Variants in DNM2 observed in about 807,000 individuals in gnomAD.
DNM2 encodes the protein dynamin 2, also known as dynamin-2.
DNM2 carries 15 observed loss-of-function variants against 99.0 expected under a neutral mutation model. The observed-to-expected ratio is 0.15, with a 90% CI of 0.10 to 0.23. DNM2 has a LOEUF of 0.23. Ranked by LOEUF, DNM2 falls within the 10% of genes least tolerant of loss-of-function variation. The pLI is 1.00. For missense variants in DNM2, 742 were observed against 1,189.4 expected (o/e 0.62, Z 5.53); for synonymous variants, 525 against 481.2 (o/e 1.09, Z -1.19).
chr19:10,773,964 C>T (rs1165684113), intron 3 of DNM2, among the ~76,000 whole-genome samples: 5 of 152,202 alleles, frequency 3.3e-5, no homozygotes, highest in Non-Finnish European at 7.3e-5. Flanking sequence ...GGGCCATAGA[C>T]ATCCTCTGGC....
intron 19 of DNM2, among the ~76,000 whole-genome samples, chr19:10,829,495 C>T (rs952082446): frequency 9.9e-5 from 15 of 152,190 alleles, no homozygotes; most frequent in Admixed American, 2.0e-4. Flanking sequence ...ATAAATACCC[C>T]GCCTGCCCTC....
intron 1 of DNM2, among the ~76,000 whole-genome samples, chr19:10,740,833 A>G (rs761395767): frequency 1.3e-5 from 2 of 152,168 alleles, no homozygotes; most frequent in Non-Finnish European, 2.9e-5. Flanking sequence ...TTTGATACAT[A>G]GGTTATTTAG....
chr19:10,829,304 G>C (rs746790650), intron 19 of DNM2, 36 bp downstream of exon 19: 2 of 1,605,056 alleles, frequency 1.2e-6, no homozygotes, highest in African/African-American at 1.3e-5. Context: ...TCAAGCATTC[G>C]GCCTGCAGGT....
intron 1 of DNM2, among the ~76,000 whole-genome samples, chr19:10,721,897 C>T (rs915818865): frequency 2.0e-5 from 3 of 152,104 alleles, no homozygotes; most frequent in South Asian, 2.1e-4. Context: ...TTTCTTGTGG[C>T]TCTAAGACAC....
chr19:10,830,205 G>GC lies in DNM2; in HGVS notation c.2377dup (p.Leu793ProfsTer31), dbSNP rs764391392. On this transcript the variant is annotated frameshift_variant, in exon 20 of 21. Transcript: ENST00000389253. LOFTEE classifies it high-confidence loss of function. This position sits in a 1 kb window ranked among gnomAD's most constrained non-coding sequence, Gnocchi z 4.8. ...CAGCAGTGAGGGGCCCCACTCCAGG[G>GC]CCCCCCCTGATTCCTGTTCCCGTGG... The GC allele has an allele frequency of 6.2e-7, 1 of 1,613,606 alleles. No individual in the cohort carries two copies.
At position 10,765,418 on chromosome 19, in the gene DNM2, G is replaced by A. The variant is rs368764431; in HGVS notation, c.235+5607G>A. Among the ~76,000 whole-genome samples the A allele has an allele frequency of 2.1e-4, 32 of 152,286 alleles. No homozygotes were observed. The South Asian group carries it at 6.6e-3, about 32-fold the overall frequency. The stretch of plus-strand genomic sequence containing the variant: ...CTGTGCCCCTTCTTGCCTACTGGGC[G>A]GGAAGTGATGGGGGTTACTTTACCA... On this transcript the variant is annotated intron_variant, in intron 2 of 20. Transcript: ENST00000389253. This position sits in a 1 kb window ranked among gnomAD's most constrained non-coding sequence, Gnocchi z 4.4.
chr19:10,766,309 C>G (rs2070794207), intron 2 of DNM2, among the ~76,000 whole-genome samples: 1 of 152,182 alleles, frequency 6.6e-6, no homozygotes, highest in Admixed American at 6.5e-5. Context: ...TTCGGTCACT[C>G]TGGGGCTCCA....
chr19:10,751,253 A>T (rs1421773265), intron 1 of DNM2, among the ~76,000 whole-genome samples: 1 of 152,078 alleles, frequency 6.6e-6, no homozygotes, highest in Non-Finnish European at 1.5e-5. Flanking sequence ...CAGAGAGGCC[A>T]GGAAGCCCGC....
intron 5 of DNM2, among the ~76,000 whole-genome samples, chr19:10,779,426 C>T (rs991982917): frequency 1.3e-5 from 2 of 151,218 alleles, no homozygotes; most frequent in African/African-American, 4.9e-5. Flanking sequence ...ACCACCCCAC[C>T]CCACATCCAT....
At chr19:10,813,945 C>T (rs1163818096) in intron 15 of DNM2, among the ~76,000 whole-genome samples, 1 of 151,626 alleles carries the variant, frequency 6.6e-6, no homozygotes, top group Non-Finnish European at 1.5e-5. Flanking sequence ...GGTGGATCAC[C>T]TGGGGTCAGG....
In DNM2 at chr19:10,775,952, C is replaced by A; in HGVS notation, c.589+46C>A. 1 of 1,597,162 alleles carries A rather than the reference C, an allele frequency of 6.3e-7. No individual in the cohort carries two copies. Among genetic ancestry groups the A allele is most frequent in the Non-Finnish European group, 8.5e-7 (1 of 1,176,538 alleles). ...GTCCCCTCTTCCAGGTGCCTCTGAG[C>A]ATGGGATGTGCCCAGCATCCTTGGT... On this transcript the variant is annotated intron_variant, in intron 4 of 20. Coordinates refer to ENST00000389253, the MANE Select transcript of DNM2 (RefSeq NM_001005361.3). The surrounding 1 kb of genome is among the most constrained non-coding windows in gnomAD (Gnocchi z 4.3).
At chr19:10,746,257 G>A (rs970921602) in intron 1 of DNM2, among the ~76,000 whole-genome samples, 3 of 151,954 alleles carry the variant, frequency 2.0e-5, no homozygotes, top group Admixed American at 6.6e-5. Flanking sequence ...TACCACGCCC[G>A]GCCTTTTTGC....
rs547306322 is a variant in DNM2, at chr19:10,812,765, C to T, written c.1671+388C>T. On this transcript the variant is annotated intron_variant, in intron 15 of 20. Coordinates refer to ENST00000389253, the MANE Select transcript of DNM2 (RefSeq NM_001005361.3). The surrounding 1 kb of genome is among the most constrained non-coding windows in gnomAD (Gnocchi z 4.0). Reference sequence around the variant, plus strand: ...TTGCGCCACTGCACTCCAGCCTGGGCGAGAGAGCGAGACTCCATCTCAAAA... The same window carrying T: ...TTGCGCCACTGCACTCCAGCCTGGGTGAGAGAGCGAGACTCCATCTCAAAA... 1.4e-4 allele frequency among the ~76,000 whole-genome samples: 22 copies of T among 152,204 alleles called. No individual in the cohort carries two copies. Among genetic ancestry groups the T allele is most frequent in the Admixed American group, 4.6e-4 (7 of 15,292 alleles).
chr19:10,736,288 GA>G (rs2069524582), intron 1 of DNM2, among the ~76,000 whole-genome samples: 3 of 150,028 alleles, frequency 2.0e-5, no homozygotes, highest in African/African-American at 7.3e-5. Context: ...AAGAAAAAAA[GA>G]AAAAAATAGA....
In DNM2 at chr19:10,830,557, G is replaced by A; in HGVS notation, c.2543+179G>A. On this transcript the variant is annotated intron_variant, in intron 20 of 20. Transcript: ENST00000389253. The surrounding 1 kb of genome is among the most constrained non-coding windows in gnomAD (Gnocchi z 4.8). ...AGAGAGGCCAAGAGGCTTGTTCAGTGTCACAGAGTAGCGGAGCCCTGGTGA... is the reference window on the plus strand; with the variant it reads ...AGAGAGGCCAAGAGGCTTGTTCAGTATCACAGAGTAGCGGAGCCCTGGTGA... The A allele has an allele frequency of 2.6e-6, 2 of 772,156 alleles. No individual in the cohort carries two copies. The highest frequency in any genetic ancestry group is 4.1e-6 in the Non-Finnish European group (2 of 492,010). 47.8% of individuals were successfully genotyped at this position (772,156 alleles called of 1,614,324 possible).
chr19:10,727,731 C>T (rs754354246), intron 1 of DNM2, among the ~76,000 whole-genome samples: 5 of 152,094 alleles, frequency 3.3e-5, no homozygotes, highest in Non-Finnish European at 7.3e-5. Flanking sequence ...TTGAATGGAA[C>T]CCTGTCTCGC....
At chr19:10,799,589 A>G (rs1036383099) in intron 11 of DNM2, among the ~76,000 whole-genome samples, 1 of 143,526 alleles carries the variant, frequency 7.0e-6, no homozygotes, top group African/African-American at 2.6e-5. Flanking sequence ...GCTGGGGTGC[A>G]GTGGCACGAT....
In DNM2 at chr19:10,798,536, T is replaced by C. The variant is rs2072022097; in HGVS notation, c.1386T>C (p.Thr462=). 6.2e-7 allele frequency: 1 copy of C among 1,614,196 alleles called. No homozygotes were observed. ...AGGAGACAGAGCGAATCGTCACCACTTACATCCGGGAACGGGAGGGGAGAA... is the reference window on the plus strand; with the variant it reads ...AGGAGACAGAGCGAATCGTCACCACCTACATCCGGGAACGGGAGGGGAGAA... ...LREETERIVT[T]YIREREGRTK... is the part of the protein sequence containing the mutation. The change falls in exon 11 of 21, where the codon ACT becomes ACC. Residue 462 remains threonine (T), a synonymous_variant. Transcript: ENST00000389253.
chr19:10,733,783 G>A (rs1258849000), intron 1 of DNM2, among the ~76,000 whole-genome samples: 1 of 151,612 alleles, frequency 6.6e-6, no homozygotes, highest in Non-Finnish European at 1.5e-5. Context: ...GAGGCAGGTG[G>A]ATCACCTGAG....
Sources: gnomAD v4.1 joint callset for allele counts (sites outside exome capture counted in the v4.1 genomes callset) on GRCh38, gnomAD v4.1.1 for gene constraint, Gnocchi (gnomAD v3.1) non-coding constraint, MANE v1.5 for transcripts, NCBI Gene and HGNC (gene_info 2026-07-23, HGNC 2026-07-21) for gene names.